Variants in DIAPH2 observed in about 807,000 individuals in gnomAD.
DIAPH2 encodes the protein protein diaphanous homolog 2.
DIAPH2 carries 35 observed loss-of-function variants against 92.7 expected under a neutral mutation model. That is an observed-to-expected ratio of 0.38 (90% confidence interval 0.29 to 0.50). The LOEUF (loss-of-function observed/expected upper bound fraction) is 0.50. Ranked by LOEUF, DIAPH2 falls within the 20% of genes least tolerant of loss-of-function variation. DIAPH2 has a pLI of 0.94. For synonymous variants in DIAPH2, 301 were observed against 280.4 expected (o/e 1.07, Z -0.73); for missense variants, 701 against 819.5 (o/e 0.86, Z 1.77).
At chrX:97,408,737 A>G (rs551827589) in intron 25 of DIAPH2, among the ~76,000 whole-genome samples, 217 of 112,019 alleles carry the variant, frequency 1.9e-3, no homozygotes, top group African/African-American at 6.8e-3. Flanking sequence ...TGGCAAGTGT[A>G]AAGTATCTAG....
intron 23 of DIAPH2, among the ~76,000 whole-genome samples, chrX:97,260,733 A>G (rs1279577655): frequency 8.9e-6 from 1 of 111,845 alleles, no homozygotes; most frequent in African/African-American, 3.2e-5. Context: ...TTGAAAAGCT[A>G]TGTCAGATTC....
intron 26 of DIAPH2, among the ~76,000 whole-genome samples, chrX:97,595,543 T>A (rs2071544883): frequency 9.0e-6 from 1 of 111,503 alleles, no homozygotes; most frequent in East Asian, 2.8e-4. Context: ...GCTTTCTCCA[T>A]AGGATGCACA....
At chrX:97,134,247 G>C (rs1296826658) in intron 21 of DIAPH2, among the ~76,000 whole-genome samples, 1 of 111,852 alleles carries the variant, frequency 8.9e-6, no homozygotes, top group Non-Finnish European at 1.9e-5. Flanking sequence ...ATACCAATCA[G>C]TCTTATTTTT....
intron 26 of DIAPH2, among the ~76,000 whole-genome samples, chrX:97,517,672 G>A (rs2070959801): frequency 8.9e-6 from 1 of 112,235 alleles, no homozygotes; most frequent in African/African-American, 3.2e-5. Flanking sequence ...ACCAGCTAAG[G>A]CTTTAGTCAC....
chrX:97,298,011 G>A (rs1299404438), intron 23 of DIAPH2, among the ~76,000 whole-genome samples: 1 of 109,602 alleles, frequency 9.1e-6, no homozygotes, highest in Non-Finnish European at 1.9e-5. Flanking sequence ...TGTCAGAGAG[G>A]TCTGGAGCAA....
intron 16 of DIAPH2, among the ~76,000 whole-genome samples, chrX:96,960,150 T>G (rs2147819227): frequency 9.0e-6 from 1 of 111,548 alleles, no homozygotes; most frequent in Non-Finnish European, 1.9e-5. Flanking sequence ...GAAAAAATGT[T>G]AATGGTATTT....
At chrX:97,532,987 T>C (rs1391917196) in intron 26 of DIAPH2, among the ~76,000 whole-genome samples, 1 of 109,831 alleles carries the variant, frequency 9.1e-6, no homozygotes, top group East Asian at 2.8e-4. Context: ...CCAAAACTCA[T>C]CTTTATTTCT....
intron 17 of DIAPH2, among the ~76,000 whole-genome samples, chrX:97,024,997 T>G (rs1195656057): frequency 2.7e-5 from 3 of 112,156 alleles, no homozygotes; most frequent in African/African-American, 9.7e-5. Flanking sequence ...AGCAACAGTC[T>G]TGATGTTTGA....
At chrX:97,386,539 G>A (rs779387043) in intron 25 of DIAPH2, among the ~76,000 whole-genome samples, 9 of 110,181 alleles carry the variant, frequency 8.2e-5, no homozygotes, top group Admixed American at 1.9e-4. Context: ...GTGGTGGTGC[G>A]CACCTGTAGT....
At chrX:97,371,962 G>C (rs2069451656) in intron 24 of DIAPH2, among the ~76,000 whole-genome samples, 1 of 112,691 alleles carries the variant, frequency 8.9e-6, no homozygotes, top group Non-Finnish European at 1.9e-5. Context: ...TTAATCAACA[G>C]AGGTCTACAT....
intron 17 of DIAPH2, among the ~76,000 whole-genome samples, chrX:96,983,459 A>C (rs1295942169): frequency 8.9e-6 from 1 of 112,221 alleles, no homozygotes; most frequent in East Asian, 2.8e-4. Flanking sequence ...AGCTGATAAT[A>C]TTTGCTTTCT....
intron 22 of DIAPH2, among the ~76,000 whole-genome samples, chrX:97,157,889 G>A (rs760376607): frequency 3.6e-5 from 4 of 112,061 alleles, no homozygotes; most frequent in South Asian, 3.7e-4. Context: ...TATAGTTAGC[G>A]CAGAAAAGTA....
At chrX:97,373,771 T>A (rs1304187314) in intron 24 of DIAPH2, among the ~76,000 whole-genome samples, 1 of 108,891 alleles carries the variant, frequency 9.2e-6, no homozygotes, top group Non-Finnish European at 1.9e-5. Context: ...CATGCCTGGC[T>A]AATTTTGTAT....
In DIAPH2 at chrX:96,782,591, G is replaced by A. The variant is rs758967778; in HGVS notation, c.447+24333G>A. On this transcript the variant is annotated intron_variant, in intron 4 of 26. Coordinates refer to ENST00000324765, the MANE Select transcript of DIAPH2 (RefSeq NM_006729.5). Reference sequence around the variant, plus strand: ...TGGGATTACAGGCGTGAGCCACCGCGCCCGGCCTTGTTTTGTGTGTTTTGT... The same window carrying A: ...TGGGATTACAGGCGTGAGCCACCGCACCCGGCCTTGTTTTGTGTGTTTTGT... Among the ~76,000 whole-genome samples, 155 of 111,108 alleles carry A rather than the reference G, an allele frequency of 1.4e-3. 1 individual carries two copies. The highest frequency in any genetic ancestry group is 4.7e-3 in the African/African-American group (143 of 30,592).
chrX:97,561,142 T>C (rs1445693863), intron 26 of DIAPH2, among the ~76,000 whole-genome samples: 5 of 112,412 alleles, frequency 4.4e-5, no homozygotes, highest in Non-Finnish European at 9.4e-5. Context: ...TTTAATGATG[T>C]GTGTCATTTC....
Position 96,776,431 on chromosome X carries a change from G to A in DIAPH2, c.447+18173G>A, listed in dbSNP as rs767930941. Among the ~76,000 whole-genome samples, 15 of 110,022 alleles carry A rather than the reference G, an allele frequency of 1.4e-4. No individual in the cohort carries two copies. In the South Asian group the frequency reaches 4.3e-3, roughly 31 times the overall value. On this transcript the variant is annotated intron_variant, in intron 4 of 26. Coordinates refer to ENST00000324765, the MANE Select transcript of DIAPH2 (RefSeq NM_006729.5). ...TCACCATATCGGCCAGGCTGGTCTCGAACTCCTGACCTCAAGTGATCCGCC... is the reference window on the plus strand; with the variant it reads ...TCACCATATCGGCCAGGCTGGTCTCAAACTCCTGACCTCAAGTGATCCGCC...
intron 24 of DIAPH2, among the ~76,000 whole-genome samples, chrX:97,368,676 G>A (rs766243281): frequency 2.2e-4 from 19 of 85,286 alleles, no homozygotes; most frequent in Non-Finnish European, 4.3e-4. Flanking sequence ...TTTTAAAAAG[G>A]CCAAACTGTC....
intron 23 of DIAPH2, among the ~76,000 whole-genome samples, chrX:97,341,732 CG>C (rs1457435616): frequency 5.4e-5 from 6 of 111,301 alleles, no homozygotes; most frequent in African/African-American, 2.0e-4. Flanking sequence ...AGATGATAGA[CG>C]GCTCAGCTCC....
At chrX:97,268,631 T>G (rs2068358151) in intron 23 of DIAPH2, among the ~76,000 whole-genome samples, 1 of 111,962 alleles carries the variant, frequency 8.9e-6, no homozygotes, top group Non-Finnish European at 1.9e-5. Context: ...GAAAGTCATT[T>G]GCCACATCTT....
Sources: gnomAD v4.1 joint callset for allele counts (sites outside exome capture counted in the v4.1 genomes callset) on GRCh38, gnomAD v4.1.1 for gene constraint, MANE v1.5 for transcripts, NCBI Gene and HGNC (gene_info 2026-07-23, HGNC 2026-07-21) for gene names.